GRHL2: variants seen among roughly 807,000 people sequenced by gnomAD.
GRHL2 encodes the protein grainyhead like transcription factor 2, also known as grainyhead-like protein 2 homolog.
Under a neutral mutation model 83.8 loss-of-function variants are expected in GRHL2, and 21 were observed. The observed-to-expected ratio is 0.25, with a 90% CI of 0.18 to 0.36. GRHL2 has a LOEUF of 0.36. GRHL2 is among the 10% of genes least tolerant of loss of function. The probability of loss-of-function intolerance (pLI) is 1.00; values close to 1 mark genes in which losing one functional copy is unlikely to be tolerated. For missense variants in GRHL2, 623 were observed against 781.8 expected (o/e 0.80, Z 2.42); for synonymous variants, 280 against 278.9 (o/e 1.00, Z -0.04).
chr8:101,532,855 G>C (rs903168019), intron 1 of GRHL2, among the ~76,000 whole-genome samples: 6 of 151,994 alleles, frequency 3.9e-5, no homozygotes, highest in Admixed American at 1.3e-4. Context: ...AAGAGAAAGA[G>C]GTGGGGGAGA....
At chr8:101,563,073 C>A (rs1348022943) in intron 4 of GRHL2, among the ~76,000 whole-genome samples, 1 of 152,140 alleles carries the variant, frequency 6.6e-6, no homozygotes, top group Non-Finnish European at 1.5e-5. Flanking sequence ...GATATATAAG[C>A]CTCACAAAAG....
At chr8:101,543,588 C>T (rs937461696) in intron 2 of GRHL2, 152 bp downstream of exon 2, 15 of 729,148 alleles carry the variant, frequency 2.1e-5, no homozygotes, top group Non-Finnish European at 3.6e-5. Context: ...TCTCCTTGCT[C>T]CCTGCTTCCC....
chr8:101,522,742 T>TACATATACATATAC (rs1554582882), intron 1 of GRHL2, among the ~76,000 whole-genome samples: 263 of 150,562 alleles, frequency 1.7e-3, no homozygotes, highest in African/African-American at 5.8e-3. Context: ...CATATACATA[T>TACATATACATATAC]ATATATATAC....
intron 1 of GRHL2, among the ~76,000 whole-genome samples, chr8:101,515,396 A>G (rs1026676406): frequency 2.0e-5 from 3 of 152,166 alleles, no homozygotes; most frequent in Admixed American, 6.5e-5. Context: ...CAGGAACTAC[A>G]GGTTTACTTA....
At chr8:101,592,925 T>G (rs2130293692) in intron 7 of GRHL2, among the ~76,000 whole-genome samples, 1 of 152,268 alleles carries the variant, frequency 6.6e-6, no homozygotes, top group Non-Finnish European at 1.5e-5. Flanking sequence ...AAGACTCCCA[T>G]TTTTTCTACC....
rs58806449 is a variant in GRHL2 at position 101,509,157 on chromosome 8, CCTTT to C, written c.20+16381_20+16384del. Among the ~76,000 whole-genome samples, 128 of 27,372 alleles carry C rather than the reference CCTTT, an allele frequency of 4.7e-3. 3 individuals are homozygous for C. Among genetic ancestry groups the C allele is most frequent in the Admixed American group, 6.9e-3 (19 of 2,742 alleles). The allele number at this position is 27,372 out of a possible 152,430, so 18.0% of individuals were successfully genotyped here. Reference sequence around the variant, plus strand: ...TCCTTCCTTCCTTCCTTCCTTCCTTCCTTTCTTTCTTTCTTTTTCTTTCTTTCTT... The same window carrying C: ...TCCTTCCTTCCTTCCTTCCTTCCTTCCTTTCTTTCTTTTTCTTTCTTTCTT... On this transcript the variant is annotated intron_variant, in intron 1 of 15. Coordinates refer to ENST00000646743, the MANE Select transcript of GRHL2 (RefSeq NM_024915.4).
intron 1 of GRHL2, among the ~76,000 whole-genome samples, chr8:101,498,473 C>T (rs1018576410): frequency 6.6e-6 from 1 of 152,090 alleles, no homozygotes; most frequent in Non-Finnish European, 1.5e-5. Context: ...TTTTGTAGCG[C>T]AAAGTCAAAG....
intron 1 of GRHL2, among the ~76,000 whole-genome samples, chr8:101,509,209 TTG>T (rs59898617): frequency 0.021 from 1,153 of 53,744 alleles, 47 homozygotes; most frequent in South Asian, 0.056. Context: ...TTCTTTCTTC[TTG>T]TGTGTGTGTG....
chr8:101,537,084 T>C (rs1811059029), intron 1 of GRHL2, among the ~76,000 whole-genome samples: 1 of 152,236 alleles, frequency 6.6e-6, no homozygotes, highest in Non-Finnish European at 1.5e-5. Context: ...GCTCCATCCA[T>C]GTTCCTGCAA....
Position 101,669,449 on chromosome 8 carries a change from A to C in GRHL2, c.*2746A>C, listed in dbSNP as rs950490882. ...TGCCCAGAAACTTAGGAAGCATGAA[A>C]TAAATCAAATGTTTATTTTCCTTCT... On this transcript the variant is annotated 3_prime_UTR_variant, in exon 16 of 16. Coordinates refer to ENST00000646743, the MANE Select transcript of GRHL2 (RefSeq NM_024915.4). 3.3e-5 allele frequency: 5 copies of C among 152,530 alleles called. No homozygotes were observed. The highest frequency in any genetic ancestry group is 1.2e-4 in the African/African-American group (5 of 41,444). 9.4% of individuals were successfully genotyped at this position (152,530 alleles called of 1,614,324 possible). A position where few individuals can be genotyped will look rare whatever the true frequency, so the allele number is the denominator to read the frequency against.
intron 8 of GRHL2, among the ~76,000 whole-genome samples, chr8:101,610,401 T>TG (rs1363229873): frequency 6.6e-6 from 1 of 150,600 alleles, no homozygotes; most frequent in Non-Finnish European, 1.5e-5. Flanking sequence ...GGGCTTGAAC[T>TG]GGGGGACCCT....
At chr8:101,611,956 C>T (rs745802033) in intron 8 of GRHL2, among the ~76,000 whole-genome samples, 1 of 150,874 alleles carries the variant, frequency 6.6e-6, no homozygotes, top group Non-Finnish European at 1.5e-5. Context: ...GGAAATCTTC[C>T]CTGGCTGCAT....
rs1003760387 is a variant in GRHL2, at chr8:101,509,572, C to T, written c.20+16783C>T. Among the ~76,000 whole-genome samples the T allele has an allele frequency of 3.3e-5, 5 of 152,182 alleles. No individual in the cohort carries two copies. In the East Asian group the frequency reaches 7.7e-4, roughly 23 times the overall value. The stretch of plus-strand genomic sequence containing the variant: ...GAGCCAGCTGCTTTAATCAGGAGCT[C>T]ATTATCTGGTTTGTGAATTATTGAG... On this transcript the variant is annotated intron_variant, in intron 1 of 15. Coordinates refer to ENST00000646743, the MANE Select transcript of GRHL2 (RefSeq NM_024915.4).
intron 1 of GRHL2, among the ~76,000 whole-genome samples, chr8:101,521,511 G>A (rs769104973): frequency 3.3e-5 from 5 of 152,062 alleles, no homozygotes; most frequent in South Asian, 2.1e-4. Flanking sequence ...ATTAACACTC[G>A]TCACATCTGC....
At position 101,552,768 on chromosome 8, in the gene GRHL2, A is replaced by C. The variant is rs568846257; in HGVS notation, c.270A>C (p.Glu90Asp). The C allele has an allele frequency of 1.2e-6, 2 of 1,614,064 alleles. No homozygotes were observed. Among genetic ancestry groups the C allele is most frequent in the Admixed American group, 1.7e-5 (1 of 60,032 alleles). The change falls in exon 3 of 16, where the codon GAA becomes GAC. Residue 90 changes from glutamate (E) to aspartate (D), a missense_variant. Glu to Asp is a conservative substitution (Grantham distance 45, BLOSUM62 2). Around this residue, in one of 8 missense-constraint regions of GRHL2, gnomAD observed 239 missense variants for 240.5 expected, o/e 0.99. Transcript: ENST00000646743. ...LSVSKASDSQ[E>D]DQEKRNCLGT... ...TAAGCAAAGCAAGTGACAGCCAAGA[A>C]GACCAGGAGAAAAGGTAAAGGAATT... is the stretch of plus-strand genomic sequence containing the variant.
intron 6 of GRHL2, among the ~76,000 whole-genome samples, chr8:101,576,901 A>G (rs1408190739): frequency 6.6e-6 from 1 of 152,176 alleles, no homozygotes; most frequent in Non-Finnish European, 1.5e-5. Flanking sequence ...CACCAATATG[A>G]ATTTGTCTTT....
chr8:101,610,623 G>A (rs2130345431), intron 8 of GRHL2, among the ~76,000 whole-genome samples: 1 of 151,026 alleles, frequency 6.6e-6, no homozygotes. Flanking sequence ...TTTCATATAA[G>A]TGTCACAGTA....
chr8:101,492,870 T>C, intron 1 of GRHL2, 81 bp downstream of exon 1: 1 of 1,246,776 alleles, frequency 8.0e-7, no homozygotes, highest in Non-Finnish European at 1.2e-6. Flanking sequence ...TTTTTGTTTT[T>C]AAGTTGCTAT....
In GRHL2 at chr8:101,668,507, G is replaced by T. The variant is rs538963208; in HGVS notation, c.*1804G>T. ...AGAAGATCTCCGAGCAGCAGTGACG[G>T]GGCACCTTGCTGTGTGTCCTCTGGG... is the stretch of plus-strand genomic sequence containing the variant. On this transcript the variant is annotated 3_prime_UTR_variant, in exon 16 of 16. Coordinates refer to ENST00000646743, the MANE Select transcript of GRHL2 (RefSeq NM_024915.4). 6.5e-6 allele frequency: 1 copy of T among 152,896 alleles called. No homozygotes were observed. Among genetic ancestry groups the T allele is most frequent in the South Asian group, 2.1e-4 (1 of 4,816 alleles). 9.5% of individuals were successfully genotyped at this position (152,896 alleles called of 1,614,324 possible).
Sources: gnomAD v4.1 joint callset for allele counts (sites outside exome capture counted in the v4.1 genomes callset) on GRCh38, gnomAD v4.1.1 for gene constraint, gnomAD v4.1.1 regional missense constraint, MANE v1.5 for transcripts, NCBI Gene and HGNC (gene_info 2026-07-23, HGNC 2026-07-21) for gene names.